The following F13A1 variants were observed in gnomAD, a reference collection of about 807,000 sequenced individuals.
F13A1 encodes the protein coagulation factor XIII A chain.
A neutral mutation model predicts 80.1 loss-of-function variants in F13A1; 47 were observed. The ratio of observed to expected loss-of-function variants is 0.59; its 90% CI spans 0.46 to 0.75. The LOEUF is 0.75. Among genes scored for constraint, F13A1 ranks in the 30% least tolerant of loss-of-function variants. The pLI, the probability that F13A1 is intolerant of heterozygous loss-of-function variation, is 0.00. For missense variants in F13A1, 817 were observed against 930.4 expected, an observed-to-expected ratio of 0.88 and a Z score of 1.59; for synonymous variants, 349 against 344.9, an observed-to-expected ratio of 1.01 and a Z score of -0.13.
chr6:6,151,892 G>A lies in F13A1; in HGVS notation c.1966C>T (p.Pro656Ser), dbSNP rs773025163. The A allele has an allele frequency of 6.2e-7, 1 of 1,614,036 alleles. No homozygotes were observed. Among genetic ancestry groups the A allele is most frequent in the Admixed American group, 1.7e-5 (1 of 60,002 alleles). The stretch of plus-strand genomic sequence containing the variant: ...ACATTTCGCAGGGTTTCTTTTAAAG[G>A]ATTGGTAAACTCAACTGTCACAGTC... ...DMTVTVEFTNPLKETLRNVWV... is the reference protein window; with the variant it reads ...DMTVTVEFTNSLKETLRNVWV... The change falls in exon 14 of 15, where the codon CCT becomes TCT. Residue 656 changes from proline (P) to serine (S), a missense_variant. By Grantham distance (74) the Pro-to-Ser change is moderately conservative. Transcript: ENST00000264870.
At chr6:6,253,812 C>T (rs930388235) in intron 4 of F13A1, among the ~76,000 whole-genome samples, 2 of 151,966 alleles carry the variant, frequency 1.3e-5, no homozygotes, top group Non-Finnish European at 2.9e-5. Context: ...TAAAGATGGC[C>T]CTTAAAATCA....
At chr6:6,155,949 C>T (rs1415520339) in intron 13 of F13A1, among the ~76,000 whole-genome samples, 4 of 152,088 alleles carry the variant, frequency 2.6e-5, no homozygotes, top group Non-Finnish European at 5.9e-5. Context: ...TTTTCTTGCT[C>T]TCATAAAACC....
intron 10 of F13A1, among the ~76,000 whole-genome samples, chr6:6,185,047 G>A (rs1018727300): frequency 1.3e-5 from 2 of 151,988 alleles, no homozygotes; most frequent in African/African-American, 2.4e-5. Flanking sequence ...CTCTATGGTA[G>A]AACAATAGAT....
At chr6:6,228,657 C>A (rs933466754) in intron 6 of F13A1, among the ~76,000 whole-genome samples, 1 of 139,112 alleles carries the variant, frequency 7.2e-6, no homozygotes, top group African/African-American at 2.7e-5. Context: ...TCGCTTGAAC[C>A]GGGGAGGCAG....
intron 10 of F13A1, among the ~76,000 whole-genome samples, chr6:6,184,598 AG>A (rs1761044230): frequency 6.6e-6 from 1 of 152,216 alleles, no homozygotes; most frequent in Non-Finnish European, 1.5e-5. Context: ...TTCCCTCTGG[AG>A]GAAGCCATGT....
intron 2 of F13A1, among the ~76,000 whole-genome samples, chr6:6,317,077 C>G (rs913452524): frequency 2.6e-5 from 4 of 152,218 alleles, no homozygotes; most frequent in Non-Finnish European, 5.9e-5. Flanking sequence ...GCCTACACCC[C>G]CTTTCCGGGG....
chr6:6,238,713 T>TGC (rs1338441307), intron 6 of F13A1, among the ~76,000 whole-genome samples: 1 of 111,596 alleles, frequency 9.0e-6, no homozygotes, highest in African/African-American at 4.7e-5. Context: ...GAAAACATGC[T>TGC]GCATATATAT....
intron 13 of F13A1, among the ~76,000 whole-genome samples, chr6:6,163,804 A>T (rs2151071719): frequency 6.6e-6 from 1 of 152,268 alleles, no homozygotes; most frequent in South Asian, 2.1e-4. Context: ...TGATAGAATG[A>T]TTTATATTCC....
At chr6:6,211,539 A>G (rs971453225) in intron 8 of F13A1, among the ~76,000 whole-genome samples, 2 of 152,268 alleles carry the variant, frequency 1.3e-5, no homozygotes, top group Non-Finnish European at 2.9e-5. Flanking sequence ...TTTACTTGGA[A>G]TTCGTTTTTA....
chr6:6,216,577 G>A (rs1031656506), intron 8 of F13A1, among the ~76,000 whole-genome samples: 1 of 149,668 alleles, frequency 6.7e-6, no homozygotes, highest in Admixed American at 6.6e-5. Context: ...AAAAACCCTA[G>A]AAGAAAACCT....
intron 8 of F13A1, among the ~76,000 whole-genome samples, chr6:6,217,881 T>TA (rs761497316): frequency 5.4e-4 from 82 of 152,204 alleles, no homozygotes; most frequent in Non-Finnish European, 3.8e-4. Flanking sequence ...GGTTTGTTTA[T>TA]AGATTAAGAC....
chr6:6,260,792 A>C (rs1244238439), intron 4 of F13A1, among the ~76,000 whole-genome samples: 1 of 152,214 alleles, frequency 6.6e-6, no homozygotes, highest in Non-Finnish European at 1.5e-5. Flanking sequence ...CCTCTGCATT[A>C]AGGAAGGAGA....
At chr6:6,275,907 G>A (rs1408862884) in intron 3 of F13A1, among the ~76,000 whole-genome samples, 1 of 152,170 alleles carries the variant, frequency 6.6e-6, no homozygotes, top group Non-Finnish European at 1.5e-5. Context: ...GATATTTTTA[G>A]TCTTTAAGAA....
chr6:6,189,868 A>G (rs1432412306), intron 10 of F13A1, among the ~76,000 whole-genome samples: 1 of 152,000 alleles, frequency 6.6e-6, no homozygotes. Context: ...CACCAGTGAG[A>G]CGTAGATTTG....
rs551363716 is a variant in F13A1 at position 6,182,964 on chromosome 6, T to A, written c.1306-823A>T. On this transcript the variant is annotated intron_variant, in intron 10 of 14. Transcript: ENST00000264870. ...TTCAGCAACTAAAATGTGCTATTTG[T>A]GGGACTCAGAAATAGTGTCTTGGGG... Among the ~76,000 whole-genome samples the A allele has an allele frequency of 2.0e-5, 3 of 152,304 alleles. No homozygotes were observed. The East Asian group carries it at 5.8e-4, about 29-fold the overall frequency.
chr6:6,277,480 C>T (rs1388743532), intron 3 of F13A1, among the ~76,000 whole-genome samples: 1 of 151,730 alleles, frequency 6.6e-6, no homozygotes, highest in Non-Finnish European at 1.5e-5. Context: ...TATGTTCTAA[C>T]TGCCACAAAG....
At chr6:6,192,945 T>C (rs1761228370) in intron 10 of F13A1, among the ~76,000 whole-genome samples, 2 of 152,170 alleles carry the variant, frequency 1.3e-5, no homozygotes, top group African/African-American at 4.8e-5. Context: ...CCTGAGGGCT[T>C]CGTGAACATG....
chr6:6,164,931 T>C (rs761490983), intron 13 of F13A1, among the ~76,000 whole-genome samples: 3 of 151,652 alleles, frequency 2.0e-5, no homozygotes, highest in Non-Finnish European at 4.4e-5. Context: ...CCGGAGCTTC[T>C]GCACTCAGGG....
At position 6,251,470 on chromosome 6, in the gene F13A1, T is replaced by C. The variant is rs1363496493; in HGVS notation, c.572-541A>G. Among the ~76,000 whole-genome samples, 5 of 152,140 alleles carry C rather than the reference T, an allele frequency of 3.3e-5. No homozygotes were observed. The East Asian group carries it at 9.6e-4, about 29-fold the overall frequency. ...AAAGATACTTGTGAATGTGCAAGTA[T>C]GTGTGTGTGTCCAACCAGCTTCCCT... On this transcript the variant is annotated intron_variant, in intron 4 of 14. Coordinates refer to ENST00000264870, the MANE Select transcript of F13A1 (RefSeq NM_000129.4).
Sources: allele counts gnomAD v4.1 joint callset (sites outside exome capture counted in the v4.1 genomes callset), GRCh38; gene constraint gnomAD v4.1.1; transcripts MANE v1.5; gene names NCBI Gene and HGNC (gene_info 2026-07-23, HGNC 2026-07-21).